SIRPG: variants seen among roughly 807,000 people sequenced by gnomAD.
SIRPG encodes the protein signal regulatory protein gamma, also known as signal-regulatory protein gamma.
A neutral mutation model predicts 35.7 loss-of-function variants in SIRPG; 38 were observed. The observed-to-expected ratio is 1.06, with a 90% CI of 0.82 to 1.40. The LOEUF is 1.40. Among genes scored for constraint, SIRPG ranks in the 40% most tolerant of loss-of-function variants. The pLI is 0.00. For missense variants in SIRPG, 519 were observed against 483.0 expected (o/e 1.07, Z -0.70); for synonymous variants, 215 against 190.4 (o/e 1.13, Z -1.06).
chr20:1,649,157 T>C lies in SIRPG; in HGVS notation c.325A>G (p.Ile109Val). ...NMDFSIRISS[I>V]TPADVGTYYC... ...TATGTGCCGACATCTGCTGGGGTGA[T>C]GCTACTGATGCGGATGGAAAAGTCC... is the stretch of plus-strand genomic sequence containing the variant. Residue 109 changes from isoleucine to valine, a missense_variant, in exon 2 of 6, where the codon ATC (isoleucine) becomes GTC (valine). By Grantham distance (29) the Ile-to-Val change is conservative. Transcript: ENST00000303415. 1.2e-6 allele frequency: 2 copies of C among 1,614,084 alleles called. No homozygotes were observed. Among genetic ancestry groups the C allele is most frequent in the Non-Finnish European group, 1.7e-6 (2 of 1,180,004 alleles).
At chr20:1,629,667 C>A (rs1015368054) in intron 5 of SIRPG, 31 bp from the exon 6 acceptor site, 1 of 153,162 alleles carries the variant, frequency 6.5e-6, no homozygotes, top group African/African-American at 2.4e-5. Flanking sequence ...ACTTAGTCAT[C>A]TGCTCATCTT....
intron 2 of SIRPG, among the ~76,000 whole-genome samples, chr20:1,640,950 G>A (rs1433803655): frequency 2.0e-5 from 3 of 152,136 alleles, no homozygotes; most frequent in African/African-American, 7.2e-5. Context: ...TGCATGCCAG[G>A]GATGAAGCCA....
chr20:1,649,831 C>T (rs2091927340), intron 1 of SIRPG, among the ~76,000 whole-genome samples: 1 of 150,088 alleles, frequency 6.7e-6, no homozygotes. Context: ...AAACAGGTCA[C>T]ACCATTCTGC....
At chr20:1,662,852 T>C in the SIRPG span, among the ~76,000 whole-genome samples, 1 of 152,150 alleles carries the variant, frequency 6.6e-6, no homozygotes, top group African/African-American at 2.4e-5. Context: ...GAATTGAAAT[T>C]CTAGGGTAGG....
the SIRPG span, among the ~76,000 whole-genome samples, chr20:1,682,033 T>C: frequency 6.6e-6 from 1 of 152,196 alleles, no homozygotes; most frequent in Non-Finnish European, 1.5e-5. Context: ...CACTTCTTTC[T>C]TCCTCACACC....
upstream of SIRPG, chr20:1,657,840 A>G (rs989824550): frequency 1.1e-5 from 9 of 793,746 alleles, no homozygotes; most frequent in Admixed American, 1.4e-4. Context: ...GATGGAATGC[A>G]ACAGTAACCT....
chr20:1,633,496 T>C (rs2091767168), intron 4 of SIRPG: 1 of 152,238 alleles, frequency 6.6e-6, no homozygotes, highest in African/African-American at 2.4e-5. Flanking sequence ...GGTTTTGTTA[T>C]GCTGTCTTTA....
At chr20:1,671,214 G>A in the SIRPG span, 7 of 252,930 alleles carry the variant, frequency 2.8e-5, no homozygotes, top group African/African-American at 7.0e-5. Flanking sequence ...AAGGAGCATC[G>A]ATAAACAGGA....
In SIRPG at chr20:1,649,042, T is replaced by C. The variant is rs760089907; in HGVS notation, c.430+10A>G. 1 of 1,608,814 alleles carries C rather than the reference T, an allele frequency of 6.2e-7. No individual in the cohort carries two copies. The highest frequency in any genetic ancestry group is 1.1e-5 in the South Asian group (1 of 90,812). The stretch of plus-strand genomic sequence containing the variant: ...CATCAGGGGATGAGGGAGGTCCATG[T>C]TGTACTCACCACCCAAAGCCATCTC... On this transcript the variant is annotated intron_variant, in intron 2 of 5. Coordinates refer to ENST00000303415, the MANE Select transcript of SIRPG (RefSeq NM_018556.4).
At chr20:1,674,984 C>G in the SIRPG span, among the ~76,000 whole-genome samples, 4 of 152,240 alleles carry the variant, frequency 2.6e-5, no homozygotes, top group African/African-American at 9.6e-5. Context: ...GAGCAAGTGC[C>G]CTGAATTCTT....
intron 4 of SIRPG, among the ~76,000 whole-genome samples, chr20:1,634,453 C>T (rs1052521431): frequency 3.3e-5 from 5 of 151,430 alleles, no homozygotes; most frequent in Non-Finnish European, 7.4e-5. Flanking sequence ...GTGATCCGCC[C>T]GCCTCGGCCT....
At chr20:1,675,024 G>A in the SIRPG span, among the ~76,000 whole-genome samples, 3 of 152,106 alleles carry the variant, frequency 2.0e-5, no homozygotes, top group African/African-American at 7.2e-5. Flanking sequence ...ACACCCAATT[G>A]TCCCTTTGAG....
chr20:1,650,011 T>C (rs1165035514), intron 1 of SIRPG, among the ~76,000 whole-genome samples: 1 of 142,660 alleles, frequency 7.0e-6, no homozygotes, highest in African/African-American at 2.6e-5. Flanking sequence ...TGTGTATATA[T>C]ATATATATAT....
intron 4 of SIRPG, 100 bp downstream of exon 4, chr20:1,635,167 C>T (rs2091786367): frequency 2.0e-6 from 2 of 978,420 alleles, no homozygotes; most frequent in Non-Finnish European, 1.5e-6. Flanking sequence ...TAAAATTTTA[C>T]TTTGTATTTA....
chr20:1,655,912 A>C (rs1027219184), intron 1 of SIRPG, among the ~76,000 whole-genome samples: 27 of 152,244 alleles, frequency 1.8e-4, no homozygotes, highest in African/African-American at 6.3e-4. Context: ...GCATAGGCAC[A>C]TGTGCATATA....
chr20:1,663,658 T>C, the SIRPG span, among the ~76,000 whole-genome samples: 135,199 of 152,332 alleles, frequency 0.89, 60,156 homozygotes, highest in East Asian at 1. Flanking sequence ...TATCATCTCA[T>C]CAGTGGACAT....
At chr20:1,655,533 T>C (rs1171550783) in intron 1 of SIRPG, among the ~76,000 whole-genome samples, 3 of 151,944 alleles carry the variant, frequency 2.0e-5, no homozygotes, top group African/African-American at 7.3e-5. Flanking sequence ...GGGGGTGTAG[T>C]TGGGGAGATA....
At chr20:1,641,094 G>C (rs754199061) in intron 2 of SIRPG, among the ~76,000 whole-genome samples, 7 of 152,164 alleles carry the variant, frequency 4.6e-5, no homozygotes, top group African/African-American at 7.2e-5. Context: ...TCTCTGCCAG[G>C]CTTTGGCATC....
chr20:1,684,300 AAATAC>A, the SIRPG span, among the ~76,000 whole-genome samples: 1 of 152,230 alleles, frequency 6.6e-6, no homozygotes, highest in Non-Finnish European at 1.5e-5. Flanking sequence ...AACAAAAATA[AAATAC>A]ATTTCTTTTC....
Sources: allele counts gnomAD v4.1 joint callset (sites outside exome capture counted in the v4.1 genomes callset), GRCh38; gene constraint gnomAD v4.1.1; transcripts MANE v1.5; gene names NCBI Gene and HGNC (gene_info 2026-07-23, HGNC 2026-07-21).